The following SLA variants were observed in gnomAD, a reference collection of about 807,000 sequenced individuals.
The protein encoded by SLA is Src like adaptor.
SLA carries 16 observed loss-of-function variants against 30.3 expected under a neutral mutation model. The observed-to-expected ratio is 0.53, with a 90% CI of 0.36 to 0.80. The LOEUF (loss-of-function observed/expected upper bound fraction) is 0.80, where lower values mean the gene tolerates loss of function less well. Ranked by LOEUF, SLA falls within the 30% of genes least tolerant of loss-of-function variation. The pLI is 0.01. For synonymous variants in SLA, 143 were observed against 137.8 expected, an observed-to-expected ratio of 1.04 and a Z score of -0.26; for missense variants, 310 against 345.2, an observed-to-expected ratio of 0.90 and a Z score of 0.81.
chr8:133,055,798 C>A (rs1416123231), intron 3 of SLA, among the ~76,000 whole-genome samples: 2 of 151,928 alleles, frequency 1.3e-5, no homozygotes, highest in Non-Finnish European at 2.9e-5. Flanking sequence ...TTCATTCCAC[C>A]ATTCCCTTCC....
At chr8:133,064,888 G>A (rs146237755) in intron 2 of SLA, among the ~76,000 whole-genome samples, 167 of 152,222 alleles carry the variant, frequency 1.1e-3, no homozygotes, top group African/African-American at 3.7e-3. Flanking sequence ...AGGGTAGCCC[G>A]AACCCCTTTA....
intron 3 of SLA, chr8:133,059,100 T>C (rs1207909626): frequency 4.4e-6 from 2 of 456,318 alleles, no homozygotes; most frequent in South Asian, 1.5e-5. Flanking sequence ...TCCACTTCCC[T>C]GTCAGGCTCG....
intron 2 of SLA, among the ~76,000 whole-genome samples, chr8:133,069,775 C>T (rs527830409): frequency 4.0e-5 from 6 of 151,800 alleles, no homozygotes; most frequent in East Asian, 1.9e-4. Flanking sequence ...CTGAGGCAGG[C>T]GGATCATTTG....
At position 133,040,017 on chromosome 8, in the gene SLA, CCA is replaced by C. The variant is rs1564102916; in HGVS notation, c.596_597del (p.Val199GlyfsTer43). 3.2e-6 allele frequency: 5 copies of C among 1,551,732 alleles called. No individual in the cohort carries two copies. The highest frequency in any genetic ancestry group is 3.5e-6 in the Non-Finnish European group (4 of 1,147,032). On this transcript the variant is annotated frameshift_variant, in exon 8 of 9. Transcript: ENST00000338087. LOFTEE classifies it high-confidence loss of function. ...ACTCACCTGGACACTCTCCTCCAGTCCACAGTCTTCTGACGCAAGGTGACAGG... is the reference window on the plus strand; with the variant it reads ...ACTCACCTGGACACTCTCCTCCAGTCCAGTCTTCTGACGCAAGGTGACAGG... ...SSPVTLRQKTVDWRRVSRLQE... is the reference protein window; with the variant it reads ...SSPVTLRQKTXDWRRVSRLQE...
Position 133,096,302 on chromosome 8 carries a change from T to C in SLA, c.-319+6251A>G, listed in dbSNP as rs2069569. On this transcript the variant is annotated intron_variant, in intron 1 of 8. Transcript: ENST00000338087. Reference sequence around the variant, plus strand: ...AGCCAGAGCACTGAAGAGGTCTTTATGGGTAGAGGTCGATCTGCTCATTGG... The same window carrying C: ...AGCCAGAGCACTGAAGAGGTCTTTACGGGTAGAGGTCGATCTGCTCATTGG... 846,600 of 1,613,940 alleles carry C rather than the reference T, an allele frequency of 0.52. 228,035 individuals are homozygous for C. The highest frequency in any genetic ancestry group is 0.79 in the African/African-American group (59,470 of 74,986).
intron 1 of SLA, chr8:133,090,157 T>G (rs898371386): frequency 1.3e-5 from 2 of 152,220 alleles, no homozygotes; most frequent in African/African-American, 4.8e-5. Flanking sequence ...GGTTGATAAC[T>G]CTCAGGTAAT....
intron 3 of SLA, among the ~76,000 whole-genome samples, chr8:133,057,776 A>AAAC (rs1841717628): frequency 1.2e-5 from 1 of 85,662 alleles, no homozygotes; most frequent in African/African-American, 3.3e-5. Flanking sequence ...ACAAAAAACA[A>AAAC]AAAAAAAAAA....
At position 133,060,335 on chromosome 8, in the gene SLA, A is replaced by T. The variant is rs533595928; in HGVS notation, c.-40-135T>A. On this transcript the variant is annotated intron_variant, in intron 2 of 8. Transcript: ENST00000338087. ...TTGAAAGGCGGCTGTTTATATGTGA[A>T]GATGAGATTGGTGAAGATTGGTTAC... The T allele has an allele frequency of 1.9e-6, 3 of 1,552,366 alleles. No individual in the cohort carries two copies. In the East Asian group the frequency reaches 7.3e-5, roughly 38 times the overall value.
At chr8:133,065,901 G>T (rs971360106) in intron 2 of SLA, among the ~76,000 whole-genome samples, 2 of 152,178 alleles carry the variant, frequency 1.3e-5, no homozygotes, top group Non-Finnish European at 2.9e-5. Flanking sequence ...ATGTCACTTG[G>T]CAGTGTTTGG....
chr8:133,062,338 G>A (rs1443965578), intron 2 of SLA, among the ~76,000 whole-genome samples: 1 of 152,210 alleles, frequency 6.6e-6, no homozygotes, highest in African/African-American at 2.4e-5. Context: ...GGGATACATT[G>A]GCCTTGTCTC....
intron 2 of SLA, among the ~76,000 whole-genome samples, chr8:133,066,923 T>C (rs951274876): frequency 6.6e-6 from 1 of 152,158 alleles, no homozygotes. Context: ...TACCTTCCTC[T>C]GTCTGGGCCA....
intron 5 of SLA, 64 bp from the exon 6 acceptor site, chr8:133,047,997 G>T: frequency 1.0e-6 from 1 of 957,530 alleles, no homozygotes; most frequent in Non-Finnish European, 1.7e-6. Context: ...AGGCAGGAAT[G>T]CGCCACCCAC....
chr8:133,079,167 G>T (rs1261445941), intron 1 of SLA, among the ~76,000 whole-genome samples: 1 of 152,194 alleles, frequency 6.6e-6, no homozygotes, highest in East Asian at 1.9e-4. Flanking sequence ...AGTCAGGCCA[G>T]GCTCTGCTGT....
intron 1 of SLA, among the ~76,000 whole-genome samples, chr8:133,098,201 T>C (rs1848722029): frequency 6.6e-6 from 1 of 152,210 alleles, no homozygotes; most frequent in African/African-American, 2.4e-5. Context: ...TTGTAGTCTC[T>C]AAAACAGGGA....
Position 133,077,654 on chromosome 8 carries a change from G to C in SLA, c.-318-2524C>G, listed in dbSNP as rs945676533. 5.3e-5 allele frequency among the ~76,000 whole-genome samples: 8 copies of C among 152,118 alleles called. No individual in the cohort carries two copies. In the South Asian group the frequency reaches 1.4e-3, roughly 28 times the overall value. ...CGCTAGACAGGTGACTCAAATCTTAGGCCTCTGTTTTCAGTAACCCCAAGC... is the reference window on the plus strand; with the variant it reads ...CGCTAGACAGGTGACTCAAATCTTACGCCTCTGTTTTCAGTAACCCCAAGC... On this transcript the variant is annotated intron_variant, in intron 1 of 8. Coordinates refer to ENST00000338087, the MANE Select transcript of SLA (RefSeq NM_001045556.3).
At chr8:133,071,088 G>A (rs1350496656) in intron 2 of SLA, among the ~76,000 whole-genome samples, 2 of 152,210 alleles carry the variant, frequency 1.3e-5, no homozygotes, top group African/African-American at 2.4e-5. Context: ...CCAGCTGGAG[G>A]CCTCCCTGTG....
chr8:133,039,953 G>GCACGCACA lies in SLA; in HGVS notation c.617+44_617+45insTGTGCGTG, dbSNP rs1554706051. On this transcript the variant is annotated intron_variant, in intron 8 of 8. Coordinates refer to ENST00000338087, the MANE Select transcript of SLA (RefSeq NM_001045556.3). ...TCACATGTTCACAGAGCACTTGCATGCACACACACACACACACACACACAC... is the reference window on the plus strand; with the variant it reads ...TCACATGTTCACAGAGCACTTGCATGCACGCACACACACACACACACACACACACACAC... The GCACGCACA allele has an allele frequency of 5.3e-4, 756 of 1,434,238 alleles. 3 individuals carry two copies. In the African/African-American group the frequency reaches 0.01, roughly 19 times the overall value. The allele number at this position is 1,434,238 out of a possible 1,614,324, so 88.8% of individuals were successfully genotyped here. A position where few individuals can be genotyped will look rare whatever the true frequency, so the allele number is the denominator to read the frequency against.
At position 133,060,252 on chromosome 8, in the gene SLA, A is replaced by G. The variant is rs765693614; in HGVS notation, c.-40-52T>C. On this transcript the variant is annotated intron_variant, in intron 2 of 8. Transcript: ENST00000338087. The stretch of plus-strand genomic sequence containing the variant: ...AGTCAACCGTGCCCTGAGCCCTCCA[A>G]GTGGAGAATGACCCAGTTTAGAGAG... 14 of 1,611,094 alleles carry G rather than the reference A, an allele frequency of 8.7e-6. No individual in the cohort carries two copies. The highest frequency in any genetic ancestry group is 1.2e-5 in the Non-Finnish European group (14 of 1,178,646).
chr8:133,056,602 C>G (rs1210695762), intron 3 of SLA, among the ~76,000 whole-genome samples: 1 of 152,180 alleles, frequency 6.6e-6, no homozygotes, highest in Non-Finnish European at 1.5e-5. Flanking sequence ...TGGCCTAAGG[C>G]AAGTCATTTA....
Sources: gnomAD v4.1 joint callset for allele counts (sites outside exome capture counted in the v4.1 genomes callset) on GRCh38, gnomAD v4.1.1 for gene constraint, MANE v1.5 for transcripts, NCBI Gene and HGNC (gene_info 2026-07-23, HGNC 2026-07-21) for gene names.